CDC25C: variants seen among roughly 807,000 people sequenced by gnomAD.
CDC25C encodes the protein M-phase inducer phosphatase 3.
Under a neutral mutation model 52.5 loss-of-function variants are expected in CDC25C, and 48 were observed. The observed-to-expected ratio is 0.91, with a 90% CI of 0.72 to 1.16. The LOEUF (loss-of-function observed/expected upper bound fraction) is 1.16, where lower values mean the gene tolerates loss of function less well. CDC25C is among the 50% of genes most tolerant of loss of function. The pLI is 0.00. For synonymous variants in CDC25C, 187 were observed against 206.5 expected (o/e 0.91, Z 0.81); for missense variants, 510 against 566.1 (o/e 0.90, Z 1.01).
chr5:138,301,987 G>A (rs1159242106), intron 7 of CDC25C, among the ~76,000 whole-genome samples: 1 of 145,718 alleles, frequency 6.9e-6, no homozygotes, highest in Non-Finnish European at 1.5e-5. Flanking sequence ...TTACAGGTGT[G>A]AGTCACTGTG....
intron 7 of CDC25C, among the ~76,000 whole-genome samples, chr5:138,304,945 CA>C (rs1469787578): frequency 6.6e-6 from 1 of 152,192 alleles, no homozygotes; most frequent in Non-Finnish European, 1.5e-5. Context: ...GAATAGAATC[CA>C]AACACTCACC....
intron 6 of CDC25C, among the ~76,000 whole-genome samples, chr5:138,320,817 AAGG>A (rs1759308223): frequency 6.9e-6 from 1 of 144,554 alleles, no homozygotes; most frequent in African/African-American, 2.5e-5. Context: ...TAGGGAGGTT[AAGG>A]CATAAGAATC....
chr5:138,332,709 T>C (rs1224396539), upstream of CDC25C, among the ~76,000 whole-genome samples: 1 of 151,736 alleles, frequency 6.6e-6, no homozygotes, highest in Non-Finnish European at 1.5e-5. Flanking sequence ...CTACTAAAAA[T>C]ACAAAATTTA....
At chr5:138,295,312 G>A (rs1056656331) in intron 7 of CDC25C, among the ~76,000 whole-genome samples, 1 of 152,150 alleles carries the variant, frequency 6.6e-6, no homozygotes, top group Non-Finnish European at 1.5e-5. Context: ...TTCGCAAACA[G>A]AAACAGCTAC....
intron 7 of CDC25C, among the ~76,000 whole-genome samples, chr5:138,298,013 TC>T (rs1369703437): frequency 6.6e-6 from 1 of 151,658 alleles, no homozygotes; most frequent in Non-Finnish European, 1.5e-5. Context: ...TTTTTTTTTT[TC>T]TTGAGACAGG....
In CDC25C at chr5:138,330,520, C is replaced by G. The variant is rs191460282; in HGVS notation, c.194+467G>C. 1.1e-4 allele frequency among the ~76,000 whole-genome samples: 17 copies of G among 152,186 alleles called. No homozygotes were observed. In the East Asian group the frequency reaches 2.9e-3, roughly 26 times the overall value. On this transcript the variant is annotated intron_variant, in intron 2 of 13. Transcript: ENST00000323760. ...TTATTATTTCTTTGTCTTTTCTTTT[C>G]TTTTTGAGATAGAGTCTCACTCTGT... is the stretch of plus-strand genomic sequence containing the variant.
At chr5:138,337,740 A>T in intron 1 of CDC25C, 1 of 345,228 alleles carries the variant, frequency 2.9e-6, no homozygotes, top group East Asian at 8.9e-5. Context: ...GCAGGCCCTA[A>T]TCCGCGCTTG....
chr5:138,333,796 A>G (rs180918427), upstream of CDC25C: 5 of 152,212 alleles, frequency 3.3e-5, no homozygotes, highest in Admixed American at 1.3e-4. Flanking sequence ...CTTTAGTTCA[A>G]TGTCAGGTGA....
At chr5:138,323,998 G>C (rs1444892967) in intron 6 of CDC25C, among the ~76,000 whole-genome samples, 1 of 150,698 alleles carries the variant, frequency 6.6e-6, no homozygotes, top group Non-Finnish European at 1.5e-5. Flanking sequence ...AGACTGGGCA[G>C]GGTGGCTCAC....
chr5:138,334,559 C>G (rs1410564185), upstream of CDC25C, among the ~76,000 whole-genome samples: 1 of 151,954 alleles, frequency 6.6e-6, no homozygotes, highest in East Asian at 2.0e-4. Flanking sequence ...GCTGTGTTGG[C>G]CAGGCTGGTC....
intron 7 of CDC25C, among the ~76,000 whole-genome samples, chr5:138,303,003 G>A (rs1264578037): frequency 1.3e-5 from 2 of 151,980 alleles, no homozygotes; most frequent in Non-Finnish European, 2.9e-5. Flanking sequence ...CCAGGAGTTT[G>A]AGGATGCAGT....
chr5:138,290,594 C>A, intron 9 of CDC25C, 45 bp downstream of exon 9: 2 of 1,048,104 alleles, frequency 1.9e-6, no homozygotes, highest in South Asian at 2.5e-5. Context: ...AGATTCAGAT[C>A]CAAAATGACT....
chr5:138,331,748 T>G lies in CDC25C; in HGVS notation c.-192A>C. On this transcript the variant is annotated 5_prime_UTR_variant, in exon 1 of 14. Coordinates refer to ENST00000323760, the MANE Select transcript of CDC25C (RefSeq NM_001790.5). ...TGCCTTCCGACTGGGTAGGCCAACGTCGGACTCAGAGTCTTCCCTGAGCAG... is the reference window on the plus strand; with the variant it reads ...TGCCTTCCGACTGGGTAGGCCAACGGCGGACTCAGAGTCTTCCCTGAGCAG... The G allele has an allele frequency of 1.0e-6, 1 of 986,598 alleles. No homozygotes were observed. The highest frequency in any genetic ancestry group is 1.2e-6 in the Non-Finnish European group (1 of 829,948). 61.1% of individuals were successfully genotyped at this position (986,598 alleles called of 1,614,324 possible).
chr5:138,292,017 C>G lies in CDC25C; in HGVS notation c.715G>C (p.Asp239His), dbSNP rs778113693. Residue 239 changes from aspartate to histidine, a missense_variant, in exon 8 of 14, where the codon GAT becomes CAT. By Grantham distance (81) the Asp-to-His change is moderately conservative. Transcript: ENST00000323760. Reference protein sequence around the residue: ...VEKFKDNTIPDKVKKKYFSGQ... With the variant: ...VEKFKDNTIPHKVKKKYFSGQ... ...GAAAAATACTTTTTTTTAACTTTATCTGGTATTGTGTTGTCCTTGAATTTT... is the reference window on the plus strand; with the variant it reads ...GAAAAATACTTTTTTTTAACTTTATGTGGTATTGTGTTGTCCTTGAATTTT... 1.9e-6 allele frequency: 3 copies of G among 1,610,982 alleles called. No individual in the cohort carries two copies. In the South Asian group the frequency reaches 3.3e-5, roughly 18 times the overall value.
intron 7 of CDC25C, among the ~76,000 whole-genome samples, chr5:138,310,134 C>T (rs772975996): frequency 3.9e-5 from 6 of 152,190 alleles, no homozygotes; most frequent in Non-Finnish European, 7.3e-5. Context: ...GAATCATCGT[C>T]GACTTTTCTG....
chr5:138,285,782 C>T lies in CDC25C; in HGVS notation c.1332G>A (p.Leu444=). 1 of 1,614,192 alleles carries T rather than the reference C, an allele frequency of 6.2e-7. No individual in the cohort carries two copies. The highest frequency in any genetic ancestry group is 8.5e-7 in the Non-Finnish European group (1 of 1,180,006). The part of the protein sequence containing the change: ...PMHHQDHKTE[L]LRCRSQSKVQ... ...CTTTGCTCTGGCTTCGACACCTCAG[C>T]AACTCAGTCTTGTGGTCCTGATGAT... The change falls in exon 14 of 14, where the codon TTG becomes TTA. Residue 444 remains leucine (L), a synonymous_variant. Transcript: ENST00000323760.
intron 7 of CDC25C, among the ~76,000 whole-genome samples, chr5:138,295,305 G>T (rs926865449): frequency 6.6e-6 from 1 of 152,098 alleles, no homozygotes; most frequent in African/African-American, 2.4e-5. Context: ...AACTACTTTC[G>T]CAAACAGAAA....
At chr5:138,325,333 A>G (rs1759765736) in intron 6 of CDC25C, among the ~76,000 whole-genome samples, 1 of 152,168 alleles carries the variant, frequency 6.6e-6, no homozygotes, top group Non-Finnish European at 1.5e-5. Flanking sequence ...GCTAGATTTA[A>G]CTTGGAACGA....
At chr5:138,320,697 T>G (rs1341025611) in intron 6 of CDC25C, among the ~76,000 whole-genome samples, 5 of 151,564 alleles carry the variant, frequency 3.3e-5, no homozygotes, top group Non-Finnish European at 5.9e-5. Flanking sequence ...GCAGATCACA[T>G]GAGGCCAGGA....
Sources: allele counts gnomAD v4.1 joint callset (sites outside exome capture counted in the v4.1 genomes callset), GRCh38; gene constraint gnomAD v4.1.1; transcripts MANE v1.5; gene names NCBI Gene and HGNC (gene_info 2026-07-23, HGNC 2026-07-21).